The following BCAS3 variants were observed in gnomAD, a reference collection of about 807,000 sequenced individuals.
BCAS3 encodes the protein BCAS4/BCAS3 fusion.
BCAS3 carries 53 observed loss-of-function variants against 116.1 expected under a neutral mutation model. The ratio of observed to expected loss-of-function variants is 0.46; its 90% CI spans 0.37 to 0.57. The LOEUF (loss-of-function observed/expected upper bound fraction) is 0.57. Ranked by LOEUF, BCAS3 falls within the 20% of genes least tolerant of loss-of-function variation. The pLI is 0.00. For missense variants in BCAS3, 917 were observed against 1,165.4 expected, an observed-to-expected ratio of 0.79 and a Z score of 3.10; for synonymous variants, 391 against 408.2, an observed-to-expected ratio of 0.96 and a Z score of 0.51.
At chr17:61,086,040 G>A (rs1232625030) in intron 22 of BCAS3, among the ~76,000 whole-genome samples, 2 of 152,086 alleles carry the variant, frequency 1.3e-5, no homozygotes, top group African/African-American at 4.8e-5. Flanking sequence ...GTTATTAAAA[G>A]TAGACATATT....
intron 22 of BCAS3, among the ~76,000 whole-genome samples, chr17:61,267,377 G>A (rs2049825226): frequency 1.3e-5 from 2 of 151,154 alleles, no homozygotes; most frequent in African/African-American, 4.8e-5. Context: ...TTTTTAAATT[G>A]CCACAGTGGT....
chr17:60,798,853 T>C (rs1207819160), intron 6 of BCAS3, among the ~76,000 whole-genome samples: 1 of 152,256 alleles, frequency 6.6e-6, no homozygotes, highest in Non-Finnish European at 1.5e-5. Context: ...GTGTTGTCAG[T>C]GTTCTGGAAT....
rs763999795 is a variant in BCAS3 at position 61,038,090 on chromosome 17, T to G, written c.1928+36T>G. ...TTTTCTTTTTTTCTTTTTAACAGCT[T>G]CATTAAGGTATAGAAGATTAAAAGC... is the stretch of plus-strand genomic sequence containing the variant. On this transcript the variant is annotated intron_variant, in intron 18 of 23. Coordinates refer to ENST00000407086, the MANE Select transcript of BCAS3 (RefSeq NM_017679.5). 45 of 1,576,254 alleles carry G rather than the reference T, an allele frequency of 2.9e-5. No individual in the cohort carries two copies. In the Middle Eastern group the frequency reaches 5.0e-4, roughly 18 times the overall value.
rs2051284791 is a variant in BCAS3, at chr17:61,281,963, C to T, written c.2426-86364C>T. On this transcript the variant is annotated intron_variant, in intron 22 of 23. Transcript: ENST00000407086. This position sits in a 1 kb window ranked among gnomAD's most constrained non-coding sequence, Gnocchi z 4.2. ...ATGTTCAAGACTTTTTTCTAAACAG[C>T]TATTTCAATTTAGGCTGTTTCATGT... Among the ~76,000 whole-genome samples, 1 of 152,122 alleles carries T rather than the reference C, an allele frequency of 6.6e-6. No homozygotes were observed. Among genetic ancestry groups the T allele is most frequent in the Non-Finnish European group, 1.5e-5 (1 of 68,016 alleles).
chr17:60,862,723 C>G (rs1043233739), intron 7 of BCAS3, among the ~76,000 whole-genome samples: 2 of 152,158 alleles, frequency 1.3e-5, no homozygotes, highest in Non-Finnish European at 2.9e-5. Context: ...ATGATCAGAA[C>G]TCACTGCATC....
At chr17:60,730,888 G>A (rs1454172504) in intron 5 of BCAS3, among the ~76,000 whole-genome samples, 1 of 152,052 alleles carries the variant, frequency 6.6e-6, no homozygotes, top group Non-Finnish European at 1.5e-5. Context: ...GGCTTACAGG[G>A]TGTTTTGAGG....
intron 22 of BCAS3, among the ~76,000 whole-genome samples, chr17:61,152,472 C>T (rs2077594584): frequency 6.6e-6 from 1 of 152,094 alleles, no homozygotes; most frequent in East Asian, 1.9e-4. Context: ...AGTCCCCACT[C>T]GACCCAGGAA....
chr17:60,902,594 T>C, intron 10 of BCAS3, 26 bp from the exon 11 acceptor site: 1 of 1,554,682 alleles, frequency 6.4e-7, no homozygotes, highest in Non-Finnish European at 8.9e-7. Context: ...AATGACGTTC[T>C]GCTTCTCTCT....
chr17:61,042,900 A>AAAAAAT (rs1267819346), intron 19 of BCAS3, among the ~76,000 whole-genome samples: 5 of 142,856 alleles, frequency 3.5e-5, no homozygotes, highest in African/African-American at 1.5e-4. Flanking sequence ...ACAAAAAAAA[A>AAAAAAT]AAAAAAAAAA....
rs1411064032 is a variant in BCAS3, at chr17:61,380,692, G to A, written c.2594-11285G>A. 2 of 875,030 alleles carry A rather than the reference G, an allele frequency of 2.3e-6. No individual in the cohort carries two copies. The highest frequency in any genetic ancestry group is 2.1e-5 in the Admixed American group (1 of 47,066). 54.2% of individuals were successfully genotyped at this position (875,030 alleles called of 1,614,324 possible). ...CCCAGGAGCACTCTAGGGAGGGCAG[G>A]GGTCAGCTCAGATGGGAGGTCTCTT... On this transcript the variant is annotated intron_variant, in intron 23 of 23. Coordinates refer to ENST00000407086, the MANE Select transcript of BCAS3 (RefSeq NM_017679.5). This position sits in a 1 kb window ranked among gnomAD's most constrained non-coding sequence, Gnocchi z 4.2.
chr17:61,043,241 A>C (rs2067694113), intron 19 of BCAS3, among the ~76,000 whole-genome samples: 1 of 151,550 alleles, frequency 6.6e-6, no homozygotes. Context: ...GGTGGCGTGC[A>C]CCTGTACTCC....
intron 22 of BCAS3, among the ~76,000 whole-genome samples, chr17:61,291,588 A>G (rs1204558364): frequency 2.6e-5 from 4 of 152,234 alleles, no homozygotes; most frequent in Non-Finnish European, 5.9e-5. Context: ...CCAAGAGCTG[A>G]CAAGTCACAG....
At chr17:60,688,370 G>A (rs1018850427) in intron 3 of BCAS3, among the ~76,000 whole-genome samples, 4 of 151,998 alleles carry the variant, frequency 2.6e-5, no homozygotes, top group South Asian at 2.1e-4. Context: ...CACTATCATG[G>A]CTCACTGCGG....
Position 61,130,527 on chromosome 17 carries a change from A to G in BCAS3, c.2425+45963A>G, listed in dbSNP as rs2076275213. On this transcript the variant is annotated intron_variant, in intron 22 of 23. Coordinates refer to ENST00000407086, the MANE Select transcript of BCAS3 (RefSeq NM_017679.5). This position sits in a 1 kb window ranked among gnomAD's most constrained non-coding sequence, Gnocchi z 5.0. ...CCTCCCCCAGTTTATGTTACGTAATATGGTGAGAATCTTCTTCCTCAAATA... is the reference window on the plus strand; with the variant it reads ...CCTCCCCCAGTTTATGTTACGTAATGTGGTGAGAATCTTCTTCCTCAAATA... Among the ~76,000 whole-genome samples the G allele has an allele frequency of 6.6e-6, 1 of 152,172 alleles. No individual in the cohort carries two copies. The highest frequency in any genetic ancestry group is 1.5e-5 in the Non-Finnish European group (1 of 68,032).
At chr17:60,852,921 A>C (rs1205462582) in intron 7 of BCAS3, among the ~76,000 whole-genome samples, 1 of 152,268 alleles carries the variant, frequency 6.6e-6, no homozygotes, top group Non-Finnish European at 1.5e-5. Flanking sequence ...TCATACCATA[A>C]GATTAACCAA....
chr17:60,841,196 G>A (rs191246439), intron 7 of BCAS3, among the ~76,000 whole-genome samples: 2 of 152,060 alleles, frequency 1.3e-5, no homozygotes, highest in Non-Finnish European at 2.9e-5. Flanking sequence ...TCATTTTGAA[G>A]TAGTATAATG....
At chr17:61,234,785 A>G (rs1400492333) in intron 22 of BCAS3, among the ~76,000 whole-genome samples, 79 of 2,418 alleles carry the variant, frequency 0.033, no homozygotes, top group East Asian at 0.1. Flanking sequence ...TTTTTCCAGA[A>G]AAAAAAAAAA....
chr17:60,769,133 C>T (rs2044398321), intron 6 of BCAS3, among the ~76,000 whole-genome samples: 1 of 152,126 alleles, frequency 6.6e-6, no homozygotes, highest in African/African-American at 2.4e-5. Context: ...ATTTCCAAGT[C>T]CGTGGATGAC....
At position 61,364,955 on chromosome 17, in the gene BCAS3, A is replaced by G. The variant is rs910837510; in HGVS notation, c.2426-3372A>G. Among the ~76,000 whole-genome samples, 1 of 152,220 alleles carries G rather than the reference A, an allele frequency of 6.6e-6. No homozygotes were observed. The highest frequency in any genetic ancestry group is 1.5e-5 in the Non-Finnish European group (1 of 68,038). On this transcript the variant is annotated intron_variant, in intron 22 of 23. Transcript: ENST00000407086. This position sits in a 1 kb window ranked among gnomAD's most constrained non-coding sequence, Gnocchi z 5.4. ...AATTTATGATGATGCCCCAAGTGGT[A>G]TAAAGGCATACATATTTGTCATTAA... is the stretch of plus-strand genomic sequence containing the variant.
Sources: gnomAD v4.1 joint callset for allele counts (sites outside exome capture counted in the v4.1 genomes callset) on GRCh38, gnomAD v4.1.1 for gene constraint, Gnocchi (gnomAD v3.1) non-coding constraint, MANE v1.5 for transcripts, NCBI Gene and HGNC (gene_info 2026-07-23, HGNC 2026-07-21) for gene names.